Variants in GAD1 observed in about 807,000 individuals in gnomAD.
The protein encoded by GAD1 is glutamate decarboxylase 1, also known as 67 kDa glutamic acid decarboxylase.
In GAD1, 35 loss-of-function variants were observed where a neutral mutation model predicts 75.2. The observed-to-expected ratio is 0.47, with a 90% confidence interval of 0.36 to 0.62. The LOEUF (loss-of-function observed/expected upper bound fraction) is 0.62, where lower values mean the gene tolerates loss of function less well. Ranked by LOEUF, GAD1 falls within the 20% of genes least tolerant of loss-of-function variation. The pLI is 0.00. For missense variants in GAD1, 490 were observed against 758.5 expected (o/e 0.65, Z 4.16); for synonymous variants, 257 against 271.9 (o/e 0.95, Z 0.54).
chr2:170,830,823 GT>G, intron 4 of GAD1, 126 bp from the exon 5 acceptor site: 1 of 1,206,450 alleles, frequency 8.3e-7, no homozygotes, highest in South Asian at 1.4e-5. Flanking sequence ...CCGATTCTCA[GT>G]GCACATACAT....
chr2:170,819,689 C>A (rs1701812339), intron 2 of GAD1, among the ~76,000 whole-genome samples: 1 of 151,886 alleles, frequency 6.6e-6, no homozygotes, highest in South Asian at 2.1e-4. Flanking sequence ...GTTCCCACTC[C>A]CCCATTTATT....
At chr2:170,838,621 C>T (rs1361091394) in intron 6 of GAD1, among the ~76,000 whole-genome samples, 1 of 152,168 alleles carries the variant, frequency 6.6e-6, no homozygotes, top group East Asian at 1.9e-4. Context: ...CTGCTTTTTC[C>T]ATGTATATAT....
intron 3 of GAD1, among the ~76,000 whole-genome samples, chr2:170,826,620 C>G (rs958045789): frequency 2.0e-5 from 3 of 150,604 alleles, no homozygotes; most frequent in African/African-American, 4.9e-5. Flanking sequence ...GCCTCATGAG[C>G]GCATCTCTGG....
chr2:170,821,862 AC>A (rs1701890472), intron 2 of GAD1: 3 of 565,808 alleles, frequency 5.3e-6, no homozygotes, highest in African/African-American at 3.8e-5. Context: ...TCTCAGAGAC[AC>A]CGTTCCATAT....
intron 2 of GAD1, among the ~76,000 whole-genome samples, chr2:170,819,256 G>A (rs544977205): frequency 6.6e-6 from 1 of 151,738 alleles, no homozygotes; most frequent in East Asian, 2.0e-4. Flanking sequence ...CTGAGACTGA[G>A]CCTTGACATT....
In GAD1 at chr2:170,827,193, C is replaced by G. The variant is rs539031528; in HGVS notation, c.146-2282C>G. Among the ~76,000 whole-genome samples the G allele has an allele frequency of 2.0e-5, 3 of 152,272 alleles. No homozygotes were observed. The East Asian group carries it at 5.8e-4, about 29-fold the overall frequency. ...CACCGCAGCCCTCCCATGCATCCCC[C>G]CTTCTCCCACCCATCACAGTTGAAT... On this transcript the variant is annotated intron_variant, in intron 3 of 16. Transcript: ENST00000358196.
intron 6 of GAD1, among the ~76,000 whole-genome samples, chr2:170,840,842 C>T (rs1393509691): frequency 1.3e-5 from 2 of 152,136 alleles, no homozygotes; most frequent in Non-Finnish European, 2.9e-5. Flanking sequence ...GAGTGAACAG[C>T]AACCCTAAAT....
At chr2:170,829,303 C>T (rs1309828911) in intron 3 of GAD1, 172 bp from the exon 4 acceptor site, 4 of 713,994 alleles carry the variant, frequency 5.6e-6, no homozygotes, top group Admixed American at 4.6e-5. Flanking sequence ...CACTGCCCCC[C>T]TCCCTGCCTG....
At chr2:170,847,842 C>CT in intron 11 of GAD1, 50 bp downstream of exon 11, 2 of 1,221,148 alleles carry the variant, frequency 1.6e-6, no homozygotes, top group Non-Finnish European at 2.4e-6. Flanking sequence ...GGAGGCACCT[C>CT]TTTTTTATGA....
At chr2:170,850,257 T>G (rs1406712711) in intron 12 of GAD1, among the ~76,000 whole-genome samples, 1 of 152,246 alleles carries the variant, frequency 6.6e-6, no homozygotes, top group Non-Finnish European at 1.5e-5. Flanking sequence ...ATAACAAATA[T>G]TTAATCTGTC....
chr2:170,829,538 G>C lies in GAD1; in HGVS notation c.209G>C (p.Arg70Thr), dbSNP rs1475821513. 2 of 1,613,842 alleles carry C rather than the reference G, an allele frequency of 1.2e-6. No individual in the cohort carries two copies. The highest frequency in any genetic ancestry group is 2.7e-5 in the African/African-American group (2 of 74,916). ...CGCCTTGTGAGTGCCTTCAAGGAGAGGCAATCCTCCAAGAACCTGCTTTCC... is the reference window on the plus strand; with the variant it reads ...CGCCTTGTGAGTGCCTTCAAGGAGACGCAATCCTCCAAGAACCTGCTTTCC... ...KSRLVSAFKE[R>T]QSSKNLLSCE... Residue 70 changes from arginine to threonine, a missense_variant, in exon 4 of 17, where the codon AGG (arginine) becomes ACG (threonine). Arg to Thr is a moderately conservative substitution (Grantham distance 71, BLOSUM62 -1). Around this residue, in one of 3 missense-constraint regions of GAD1, gnomAD observed 165 missense variants for 216.4 expected, o/e 0.76. Coordinates refer to ENST00000358196, the MANE Select transcript of GAD1 (RefSeq NM_000817.3).
intron 3 of GAD1, among the ~76,000 whole-genome samples, chr2:170,824,979 G>A (rs1175034223): frequency 1.3e-5 from 2 of 151,374 alleles, no homozygotes; most frequent in Non-Finnish European, 2.9e-5. Context: ...TTTGTATCAA[G>A]TGCCAAACCT....
rs3049892 is a variant in GAD1 at position 170,832,664 on chromosome 2, G to GCACACACACACACA, written c.547+1491_547+1504dup. Among the ~76,000 whole-genome samples, 86 of 78,958 alleles carry GCACACACACACACA rather than the reference G, an allele frequency of 1.1e-3. 1 individual carries two copies. The highest frequency in any genetic ancestry group is 2.5e-3 in the African/African-American group (67 of 26,314). The allele number at this position is 78,958 out of a possible 152,430, so 51.8% of individuals were successfully genotyped here. On this transcript the variant is annotated intron_variant, in intron 5 of 16. Transcript: ENST00000358196. ...CACAGGCACACATGCGCGCGCGCGC[G>GCACACACACACACA]CACACACACACACACACACACACAC...
intron 5 of GAD1, 22 bp downstream of exon 5, chr2:170,831,214 A>G (rs1702214226): frequency 1.2e-6 from 2 of 1,613,730 alleles, no homozygotes; most frequent in South Asian, 2.2e-5. Flanking sequence ...AGTTGGGTAG[A>G]CAGGTAGTGG....
chr2:170,832,336 T>C (rs1168577338), intron 5 of GAD1, among the ~76,000 whole-genome samples: 1 of 152,152 alleles, frequency 6.6e-6, no homozygotes, highest in African/African-American at 2.4e-5. Flanking sequence ...CCTTGGCATT[T>C]GTTGGCTTGT....
chr2:170,823,659 C>G (rs1701951974), intron 3 of GAD1, among the ~76,000 whole-genome samples: 2 of 150,296 alleles, frequency 1.3e-5, no homozygotes, highest in South Asian at 4.2e-4. Flanking sequence ...ACCCCCACCT[C>G]CACCCCCACC....
At chr2:170,823,866 G>C (rs1701957695) in intron 3 of GAD1, among the ~76,000 whole-genome samples, 1 of 152,178 alleles carries the variant, frequency 6.6e-6, no homozygotes, top group Admixed American at 6.5e-5. Context: ...TGCTGAGGGT[G>C]GGGGGCAGCC....
Position 170,820,434 on chromosome 2 carries a change from C to T in GAD1, c.83-1653C>T, listed in dbSNP as rs559082126. Among the ~76,000 whole-genome samples, 4 of 152,360 alleles carry T rather than the reference C, an allele frequency of 2.6e-5. No individual in the cohort carries two copies. The South Asian group carries it at 6.2e-4, about 24-fold the overall frequency. On this transcript the variant is annotated intron_variant, in intron 2 of 16. Transcript: ENST00000358196. The stretch of plus-strand genomic sequence containing the variant: ...CTGTTGCGGGCCCTTAGCCTAGCTA[C>T]GCATCCGCACCCCAGGCTTCAAAGG...
rs762744789 is a variant in GAD1, at chr2:170,857,009, T to A, written c.1414-9T>A. 6.2e-6 allele frequency: 10 copies of A among 1,611,980 alleles called. No homozygotes were observed. The South Asian group carries it at 1.1e-4, about 18-fold the overall frequency. On this transcript the variant is annotated splice_polypyrimidine_tract_variant and intron_variant, in intron 14 of 16. Coordinates refer to ENST00000358196, the MANE Select transcript of GAD1 (RefSeq NM_000817.3). ...GCAACCACAAACATGACTTTTCTCT[T>A]TAAAACAGGGCACAGTGGGATTTGA...
Sources: gnomAD v4.1 joint callset for allele counts (sites outside exome capture counted in the v4.1 genomes callset) on GRCh38, gnomAD v4.1.1 for gene constraint, gnomAD v4.1.1 regional missense constraint, MANE v1.5 for transcripts, NCBI Gene and HGNC (gene_info 2026-07-23, HGNC 2026-07-21) for gene names.